The following CR1 variants were observed in gnomAD, a reference collection of about 807,000 sequenced individuals.
CR1 encodes complement receptor type 1.
In CR1, 116 loss-of-function variants were observed where a neutral mutation model predicts 187.3. The observed-to-expected ratio is 0.62, with a 90% CI of 0.53 to 0.72. The LOEUF (loss-of-function observed/expected upper bound fraction) is 0.72, where lower values mean the gene tolerates loss of function less well. Ranked by LOEUF, CR1 falls within the 30% of genes least tolerant of loss-of-function variation. The pLI is 0.00. For synonymous variants in CR1, 576 were observed against 747.1 expected, an observed-to-expected ratio of 0.77 and a Z score of 3.73; for missense variants, 1,731 against 2,110.7, an observed-to-expected ratio of 0.82 and a Z score of 3.52.
intron 35 of CR1, among the ~76,000 whole-genome samples, chr1:207,595,020 C>A (rs1222711328): frequency 6.6e-6 from 1 of 151,490 alleles, no homozygotes; most frequent in African/African-American, 2.4e-5. Context: ...ATCGATGGAA[C>A]TATATGAGGC....
chr1:207,580,046 C>T (rs1347041182), intron 29 of CR1, among the ~76,000 whole-genome samples, 194 bp from the exon 30 acceptor site: 1 of 152,192 alleles, frequency 6.6e-6, no homozygotes, highest in Non-Finnish European at 1.5e-5. Context: ...TCCACCAATA[C>T]TGATAACTTC....
At chr1:207,499,242 GA>G (rs1659191582) in intron 1 of CR1, among the ~76,000 whole-genome samples, 1 of 152,122 alleles carries the variant, frequency 6.6e-6, no homozygotes, top group Non-Finnish European at 1.5e-5. Flanking sequence ...TTCAGACCAA[GA>G]AAAATTATTA....
At chr1:207,602,352 G>A (rs1661630022) in intron 35 of CR1, among the ~76,000 whole-genome samples, 1 of 151,764 alleles carries the variant, frequency 6.6e-6, no homozygotes, top group South Asian at 2.1e-4. Context: ...TATATCTCTG[G>A]CTCATTTGCT....
chr1:207,633,288 CATT>C (rs1368771677), intron 46 of CR1, among the ~76,000 whole-genome samples: 1 of 152,056 alleles, frequency 6.6e-6, no homozygotes, highest in African/African-American at 2.4e-5. Context: ...AATATCTCAT[CATT>C]GTTAAAAACA....
rs996388913 is a variant in CR1 at position 207,496,303 on chromosome 1, C to T, written c.36C>T (p.Val12=). The T allele has an allele frequency of 1.1e-5, 17 of 1,613,594 alleles. No individual in the cohort carries two copies. Among genetic ancestry groups the T allele is most frequent in the African/African-American group, 5.3e-5 (4 of 74,920 alleles). ...CTTCTCCAAGAAGCCCGGAGCCTGT[C>T]GGGCCGCCGGCGCCCGGTCTCCCCT... ...GASSPRSPEP[V]GPPAPGLPFC... is the part of the protein sequence containing the mutation. Residue 12 remains valine (V), a synonymous_variant, in exon 1 of 47, where the codon GTC becomes GTT. Transcript: ENST00000367049.
chr1:207,609,604 C>T lies in CR1; in HGVS notation c.6211C>T (p.Pro2071Ser). 3 of 1,612,714 alleles carry T rather than the reference C, an allele frequency of 1.9e-6. No individual in the cohort carries two copies. Among genetic ancestry groups the T allele is most frequent in the Non-Finnish European group, 2.5e-6 (3 of 1,179,316 alleles). The change falls in exon 37 of 47, where the codon CCC (proline) becomes TCC (serine). Residue 2071 changes from proline to serine, a missense_variant. By Grantham distance (74) the Pro-to-Ser change is moderately conservative. Transcript: ENST00000367049. ...LTEIIRFRCQ[P>S]GFVMVGSHTV... ...TGAGATCATCAGATTTAGATGTCAG[C>T]CCGGGTTTGTCATGGTAGGGTCCCA...
At chr1:207,622,068 A>T in intron 44 of CR1, 72 bp downstream of exon 44, 2 of 1,254,778 alleles carry the variant, frequency 1.6e-6, no homozygotes, top group Non-Finnish European at 2.3e-6. Context: ...TAATGAATGA[A>T]ATGTAAAAAG....
At chr1:207,574,385 G>A (rs1660670559) in intron 27 of CR1, among the ~76,000 whole-genome samples, 1 of 152,138 alleles carries the variant, frequency 6.6e-6, no homozygotes, top group Non-Finnish European at 1.5e-5. Flanking sequence ...CATTTCTCTT[G>A]AGCCAAGCTA....
intron 4 of CR1, among the ~76,000 whole-genome samples, chr1:207,520,577 A>C (rs576530594): frequency 6.6e-6 from 1 of 152,252 alleles, no homozygotes; most frequent in South Asian, 2.1e-4. Context: ...CCATACCCCC[A>C]GCCCGTAATA....
chr1:207,597,973 T>C (rs751495976), intron 35 of CR1, among the ~76,000 whole-genome samples: 6 of 152,256 alleles, frequency 3.9e-5, no homozygotes, highest in Non-Finnish European at 8.8e-5. Context: ...AAAAACATTA[T>C]GCTAAGTGAA....
intron 33 of CR1, among the ~76,000 whole-genome samples, chr1:207,587,131 A>G (rs1661134342): frequency 6.6e-6 from 1 of 152,214 alleles, no homozygotes; most frequent in Non-Finnish European, 1.5e-5. Flanking sequence ...CTACAAGCTG[A>G]AGTTCTTGCT....
At chr1:207,544,699 T>G (rs1296894048) in intron 13 of CR1, among the ~76,000 whole-genome samples, 1 of 147,026 alleles carries the variant, frequency 6.8e-6, no homozygotes, top group African/African-American at 2.7e-5. Flanking sequence ...TTTCCCACCT[T>G]CTCACTGAAG....
At chr1:207,626,981 T>C (rs992247328) in intron 45 of CR1, among the ~76,000 whole-genome samples, 2 of 152,102 alleles carry the variant, frequency 1.3e-5, no homozygotes, top group African/African-American at 4.8e-5. Flanking sequence ...GAGGTTGCAG[T>C]GAGTTGAGAT....
chr1:207,510,979 G>A lies in CR1; in HGVS notation c.402-590G>A, dbSNP rs1411925340. 4.6e-5 allele frequency among the ~76,000 whole-genome samples: 7 copies of A among 151,708 alleles called. No homozygotes were observed. The East Asian group carries it at 9.7e-4, about 21-fold the overall frequency. On this transcript the variant is annotated intron_variant, in intron 3 of 46. Coordinates refer to ENST00000367049, the MANE Select transcript of CR1 (RefSeq NM_000651.6). ...TAGGACTACAGGAATGTGCCACCAC[G>A]CCTGGCTTTTTTATAAATTTTTTGT...
intron 3 of CR1, among the ~76,000 whole-genome samples, chr1:207,510,276 A>G (rs1053319656): frequency 2.0e-5 from 3 of 152,244 alleles, no homozygotes; most frequent in African/African-American, 7.2e-5. Context: ...TAATAATTAC[A>G]TCATAATCAC....
intron 23 of CR1, among the ~76,000 whole-genome samples, chr1:207,564,668 G>A (rs532603917): frequency 6.7e-6 from 1 of 150,084 alleles, no homozygotes; most frequent in East Asian, 1.9e-4. Flanking sequence ...GGGTTTGGTG[G>A]CATGTGCCTG....
In CR1 at chr1:207,499,450, A is replaced by C. The variant is rs1659197430; in HGVS notation, c.121+3062A>C. Among the ~76,000 whole-genome samples the C allele has an allele frequency of 2.0e-5, 3 of 152,232 alleles. No homozygotes were observed. The South Asian group carries it at 6.2e-4, about 32-fold the overall frequency. Reference sequence around the variant, plus strand: ...CTTTCTGATATCAGAAAAGGTGCTGAAGTCTCCTTATCAGAAATGGGCAGA... The same window carrying C: ...CTTTCTGATATCAGAAAAGGTGCTGCAGTCTCCTTATCAGAAATGGGCAGA... On this transcript the variant is annotated intron_variant, in intron 1 of 46. Coordinates refer to ENST00000367049, the MANE Select transcript of CR1 (RefSeq NM_000651.6).
At chr1:207,526,212 T>C (rs1660165729) in intron 5 of CR1, among the ~76,000 whole-genome samples, 1 of 152,048 alleles carries the variant, frequency 6.6e-6, no homozygotes, top group African/African-American at 2.4e-5. Flanking sequence ...AGACCCATAG[T>C]TCTTTACCAT....
intron 46 of CR1, among the ~76,000 whole-genome samples, chr1:207,639,006 GA>G (rs1352975655): frequency 6.6e-6 from 1 of 152,222 alleles, no homozygotes; most frequent in Non-Finnish European, 1.5e-5. Flanking sequence ...TGTTGTCCCT[GA>G]AAACCCTGAG....
Sources: gnomAD v4.1 joint callset for allele counts (sites outside exome capture counted in the v4.1 genomes callset) on GRCh38, gnomAD v4.1.1 for gene constraint, MANE v1.5 for transcripts, NCBI Gene and HGNC (gene_info 2026-07-23, HGNC 2026-07-21) for gene names.